Variants in CNTN4 observed in about 807,000 individuals in gnomAD.
CNTN4 encodes contactin 4, also known as contactin-4.
In CNTN4, 77 loss-of-function variants were observed where a neutral mutation model predicts 122.5. The observed-to-expected ratio is 0.63, with a 90% CI of 0.52 to 0.76. CNTN4 has a LOEUF of 0.76. Ranked by LOEUF, CNTN4 falls within the 30% of genes least tolerant of loss-of-function variation. The probability of loss-of-function intolerance (pLI) is 0.00; values close to 1 mark genes in which losing one functional copy is unlikely to be tolerated. For missense variants in CNTN4, 1,256 were observed against 1,259.1 expected (o/e 1.00, Z 0.04); for synonymous variants, 512 against 447.0 (o/e 1.15, Z -1.83).
intron 4 of CNTN4, chr3:2,735,739 A>C (rs1242234251): frequency 6.0e-6 from 2 of 331,918 alleles, no homozygotes; most frequent in African/African-American, 4.3e-5. Flanking sequence ...GTATATTAGC[A>C]ATACGGAGCT....
At chr3:2,550,603 T>G (rs529117178) in intron 3 of CNTN4, among the ~76,000 whole-genome samples, 16 of 152,180 alleles carry the variant, frequency 1.1e-4, no homozygotes, top group Non-Finnish European at 1.9e-4. Flanking sequence ...TTACTGGGTA[T>G]ATACCCAAAG....
At chr3:2,654,582 C>T (rs1326919966) in intron 4 of CNTN4, among the ~76,000 whole-genome samples, 1 of 152,272 alleles carries the variant, frequency 6.6e-6, no homozygotes, top group East Asian at 1.9e-4. Context: ...GTTATTCTTT[C>T]TCAAAGCCTA....
chr3:2,634,967 G>T (rs578204321), intron 4 of CNTN4, among the ~76,000 whole-genome samples: 1 of 152,126 alleles, frequency 6.6e-6, no homozygotes, highest in Admixed American at 6.5e-5. Flanking sequence ...TTAGTAGAAA[G>T]ACCTGGTATG....
At chr3:2,969,238 C>A (rs1439625493) in intron 13 of CNTN4, among the ~76,000 whole-genome samples, 1 of 152,162 alleles carries the variant, frequency 6.6e-6, no homozygotes, top group Non-Finnish European at 1.5e-5. Flanking sequence ...TGACCCCTAG[C>A]GGATTATCTA....
intron 4 of CNTN4, among the ~76,000 whole-genome samples, chr3:2,666,213 G>C (rs768916825): frequency 7.9e-5 from 12 of 152,108 alleles, no homozygotes; most frequent in Non-Finnish European, 1.5e-4. Context: ...CTTCCTTTTA[G>C]ATTTCTTAAT....
intron 4 of CNTN4, among the ~76,000 whole-genome samples, chr3:2,657,901 C>G (rs1184903159): frequency 6.6e-6 from 1 of 151,368 alleles, no homozygotes; most frequent in African/African-American, 2.4e-5. Context: ...ATATCATTGA[C>G]AGATAACACT....
intron 2 of CNTN4, among the ~76,000 whole-genome samples, chr3:2,170,189 C>CA (rs1553589235): frequency 6.7e-5 from 10 of 149,436 alleles, no homozygotes; most frequent in Admixed American, 3.3e-4. Flanking sequence ...GGCGTGGTGG[C>CA]GGCGCCTGTA....
chr3:2,781,946 A>C (rs1337892336), intron 6 of CNTN4, among the ~76,000 whole-genome samples: 1 of 148,258 alleles, frequency 6.7e-6, no homozygotes, highest in Non-Finnish European at 1.5e-5. Context: ...GATGGTCTCG[A>C]TCTCCTGACC....
At chr3:2,383,473 C>T (rs145703217) in intron 3 of CNTN4, among the ~76,000 whole-genome samples, 118 of 152,176 alleles carry the variant, frequency 7.8e-4, no homozygotes, top group African/African-American at 2.7e-3. Context: ...TTCCATTTCA[C>T]GGTTGAGAAA....
At chr3:2,512,171 T>G (rs1479288811) in intron 3 of CNTN4, among the ~76,000 whole-genome samples, 1 of 152,146 alleles carries the variant, frequency 6.6e-6, no homozygotes, top group Non-Finnish European at 1.5e-5. Flanking sequence ...AACAGAAAAG[T>G]TTCTCTTGTT....
chr3:2,525,240 A>G lies in CNTN4; in HGVS notation c.-88-46176A>G, dbSNP rs920202349. Among the ~76,000 whole-genome samples, 7 of 152,264 alleles carry G rather than the reference A, an allele frequency of 4.6e-5. No individual in the cohort carries two copies. In the East Asian group the frequency reaches 9.6e-4, roughly 21 times the overall value. ...GTGTTTGATGTTTTGCAAGTATTCT[A>G]TGGGGACTGCCTTTTCTTTTTCCAA... On this transcript the variant is annotated intron_variant, in intron 3 of 24. Transcript: ENST00000418658.
intron 7 of CNTN4, among the ~76,000 whole-genome samples, chr3:2,840,870 G>C (rs1170663689): frequency 2.0e-5 from 3 of 151,968 alleles, no homozygotes; most frequent in Non-Finnish European, 2.9e-5. Flanking sequence ...TGACCTCCCT[G>C]TGTTAAGTGA....
chr3:2,747,413 AAAAAATAAAAATAAAAATAAAAAAT>A (rs2089848807), intron 6 of CNTN4, among the ~76,000 whole-genome samples: 1 of 29,974 alleles, frequency 3.3e-5, no homozygotes, highest in Admixed American at 5.2e-4. Context: ...CGTCTAAAAA[AAAAAATAAAAATAAAAATAAAAAAT>A]AAAATACTAT....
chr3:2,491,066 C>CAA (rs1204129331), intron 3 of CNTN4, among the ~76,000 whole-genome samples: 2 of 152,188 alleles, frequency 1.3e-5, no homozygotes, highest in Non-Finnish European at 2.9e-5. Flanking sequence ...ATGAAAGCAA[C>CAA]AAATATACTT....
At chr3:2,741,580 C>A (rs1410074393) in intron 5 of CNTN4, among the ~76,000 whole-genome samples, 1 of 152,132 alleles carries the variant, frequency 6.6e-6, no homozygotes, top group Admixed American at 6.5e-5. Flanking sequence ...TAGTTACTCT[C>A]CCTAGAATAT....
intron 3 of CNTN4, among the ~76,000 whole-genome samples, chr3:2,485,855 G>C (rs896264026): frequency 1.3e-5 from 2 of 152,102 alleles, no homozygotes; most frequent in African/African-American, 4.8e-5. Flanking sequence ...AAAACGGATC[G>C]ATCAGCTCTC....
intron 4 of CNTN4, among the ~76,000 whole-genome samples, chr3:2,583,943 G>C (rs1453143369): frequency 6.6e-6 from 1 of 152,182 alleles, no homozygotes; most frequent in African/African-American, 2.4e-5. Flanking sequence ...TACAGTATCA[G>C]AAGCTACTGC....
At chr3:2,488,173 A>G (rs1472885351) in intron 3 of CNTN4, among the ~76,000 whole-genome samples, 7 of 152,234 alleles carry the variant, frequency 4.6e-5, no homozygotes, top group African/African-American at 1.7e-4. Context: ...ATTATCTAAG[A>G]TGTTTAGATG....
chr3:2,967,733 A>G (rs1225265111), intron 13 of CNTN4, among the ~76,000 whole-genome samples: 1 of 152,144 alleles, frequency 6.6e-6, no homozygotes, highest in African/African-American at 2.4e-5. Flanking sequence ...ATTAATCAGT[A>G]AGTTAGTGGT....
Sources: allele counts gnomAD v4.1 joint callset (sites outside exome capture counted in the v4.1 genomes callset), GRCh38; gene constraint gnomAD v4.1.1; transcripts MANE v1.5; gene names NCBI Gene and HGNC (gene_info 2026-07-23, HGNC 2026-07-21).